NPSR1: variants seen among roughly 807,000 people sequenced by gnomAD.
NPSR1 encodes the protein neuropeptide S receptor 1.
A neutral mutation model predicts 46.9 loss-of-function variants in NPSR1; 48 were observed. The observed-to-expected ratio is 1.02, with a 90% CI of 0.81 to 1.30. The LOEUF is 1.30. Among genes scored for constraint, NPSR1 ranks in the 50% most tolerant of loss-of-function variants. The pLI is 0.00. For missense variants in NPSR1, 450 were observed against 449.5 expected, an observed-to-expected ratio of 1.00 and a Z score of -0.01; for synonymous variants, 176 against 168.1, an observed-to-expected ratio of 1.05 and a Z score of -0.36.
At chr7:34,713,703 T>C (rs1783414539) in intron 2 of NPSR1, among the ~76,000 whole-genome samples, 1 of 152,124 alleles carries the variant, frequency 6.6e-6, no homozygotes, top group South Asian at 2.1e-4. Context: ...GCTTCCCAAA[T>C]AAGCCTATTG....
intron 2 of NPSR1, among the ~76,000 whole-genome samples, chr7:34,684,886 A>G (rs1304707179): frequency 6.6e-6 from 1 of 152,246 alleles, no homozygotes; most frequent in Non-Finnish European, 1.5e-5. Flanking sequence ...TTTCATTATA[A>G]AAGTAACTCA....
chr7:34,751,086 A>G, intron 2 of NPSR1: 1 of 797,624 alleles, frequency 1.3e-6, no homozygotes, highest in East Asian at 2.4e-5. Context: ...TACCTTCACC[A>G]TGTCCTTGAG....
intron 2 of NPSR1, among the ~76,000 whole-genome samples, chr7:34,769,041 C>A (rs1163769510): frequency 6.6e-6 from 1 of 152,068 alleles, no homozygotes; most frequent in Non-Finnish European, 1.5e-5. Flanking sequence ...GGGTTTCAGG[C>A]AATTTACATG....
intron 2 of NPSR1, among the ~76,000 whole-genome samples, chr7:34,708,504 T>A (rs2077283109): frequency 6.6e-6 from 1 of 152,010 alleles, no homozygotes; most frequent in Middle Eastern, 3.2e-3. Context: ...GCAGGAGAAA[T>A]AGATGCTGGG....
chr7:34,832,303 G>T (rs1376534908), intron 5 of NPSR1, among the ~76,000 whole-genome samples: 1 of 152,190 alleles, frequency 6.6e-6, no homozygotes, highest in Non-Finnish European at 1.5e-5. Flanking sequence ...GGAGGCCTAG[G>T]CAGGTGGACC....
intron 2 of NPSR1, among the ~76,000 whole-genome samples, chr7:34,726,486 T>C (rs1784158007): frequency 6.6e-6 from 1 of 152,206 alleles, no homozygotes; most frequent in Admixed American, 6.6e-5. Flanking sequence ...TCTTACCATA[T>C]AATTCATCAA....
At chr7:34,763,011 A>C (rs1361129705) in intron 2 of NPSR1, among the ~76,000 whole-genome samples, 3 of 152,222 alleles carry the variant, frequency 2.0e-5, no homozygotes, top group African/African-American at 7.2e-5. Flanking sequence ...ACACAGGGTG[A>C]ATCCTACACT....
intron 2 of NPSR1, among the ~76,000 whole-genome samples, chr7:34,716,462 G>A (rs934974058): frequency 4.6e-5 from 7 of 152,124 alleles, no homozygotes; most frequent in Non-Finnish European, 7.4e-5. Context: ...TCAAATCCTC[G>A]TTCTCCTGCT....
intron 4 of NPSR1, among the ~76,000 whole-genome samples, chr7:34,815,556 GA>G (rs1789204659): frequency 1.3e-5 from 2 of 152,052 alleles, no homozygotes; most frequent in Admixed American, 1.3e-4. Flanking sequence ...TCAAATTCAG[GA>G]AATACAGAGA....
chr7:34,691,535 T>C (rs1381002438), intron 2 of NPSR1, among the ~76,000 whole-genome samples: 1 of 151,250 alleles, frequency 6.6e-6, no homozygotes, highest in Non-Finnish European at 1.5e-5. Context: ...ATCATGCAAA[T>C]GGGAAAAAAA....
chr7:34,795,977 G>T (rs1788153361), intron 3 of NPSR1, among the ~76,000 whole-genome samples: 1 of 152,092 alleles, frequency 6.6e-6, no homozygotes, highest in African/African-American at 2.4e-5. Flanking sequence ...AAATTTGAAG[G>T]ACTGATACTT....
At chr7:34,699,526 G>A (rs34517554) in intron 2 of NPSR1, among the ~76,000 whole-genome samples, 32,143 of 151,974 alleles carry the variant, frequency 0.21, 3,684 homozygotes, top group South Asian at 0.34. Context: ...TTATTTCCTC[G>A]CAGTCCTGTA....
intron 4 of NPSR1, among the ~76,000 whole-genome samples, chr7:34,815,232 C>A (rs1789186588): frequency 6.6e-6 from 1 of 152,086 alleles, no homozygotes; most frequent in African/African-American, 2.4e-5. Flanking sequence ...CTTAAATGAC[C>A]TGAAGGAGCT....
chr7:34,710,734 A>G (rs1006935195), intron 2 of NPSR1: 8 of 379,812 alleles, frequency 2.1e-5, no homozygotes, highest in African/African-American at 6.3e-5. Flanking sequence ...TATTCTGCCT[A>G]TAAGCATCAA....
At chr7:34,788,445 T>C (rs1330204779) in intron 3 of NPSR1, among the ~76,000 whole-genome samples, 1 of 151,988 alleles carries the variant, frequency 6.6e-6, no homozygotes, top group Non-Finnish European at 1.5e-5. Context: ...AGGGCACATA[T>C]AACTGAAAGT....
intron 1 of NPSR1, among the ~76,000 whole-genome samples, chr7:34,669,426 G>A (rs1791925599): frequency 6.6e-6 from 1 of 152,102 alleles, no homozygotes; most frequent in African/African-American, 2.4e-5. Flanking sequence ...AGCCAGGCGT[G>A]GTGGCAGGTG....
At chr7:34,660,924 G>A (rs1791423785) in intron 1 of NPSR1, among the ~76,000 whole-genome samples, 1 of 152,052 alleles carries the variant, frequency 6.6e-6, no homozygotes, top group African/African-American at 2.4e-5. Context: ...GCCACTTAAT[G>A]CAGTTCTGTC....
chr7:34,794,096 A>G (rs948318425), intron 3 of NPSR1, among the ~76,000 whole-genome samples: 3 of 152,140 alleles, frequency 2.0e-5, no homozygotes, highest in African/African-American at 7.2e-5. Flanking sequence ...ATGGGAGAAC[A>G]CTGGTCAATG....
At position 34,872,354 on chromosome 7, in the gene NPSR1, G is replaced by C. The variant is rs1424857930; in HGVS notation, c.1026-5722G>C. 2.0e-5 allele frequency among the ~76,000 whole-genome samples: 3 copies of C among 151,912 alleles called. 1 individual carries two copies. Among genetic ancestry groups the C allele is most frequent in the African/African-American group, 4.9e-5 (2 of 41,160 alleles). On this transcript the variant is annotated intron_variant, in intron 8 of 8. Transcript: ENST00000359791. ...CTCCTAGGCCTTTGGACCTATGATG[G>C]AAGGGACCACCCCAAGACTTCTAAA...
Sources: gnomAD v4.1 joint callset for allele counts (sites outside exome capture counted in the v4.1 genomes callset) on GRCh38, gnomAD v4.1.1 for gene constraint, MANE v1.5 for transcripts, NCBI Gene and HGNC (gene_info 2026-07-23, HGNC 2026-07-21) for gene names.